The following KCNAB2 variants were observed in gnomAD, a reference collection of about 807,000 sequenced individuals.
The protein encoded by KCNAB2 is voltage-gated potassium channel subunit beta-2.
Under a neutral mutation model 63.6 loss-of-function variants are expected in KCNAB2, and 29 were observed. That is an observed-to-expected ratio of 0.46 (90% CI 0.34 to 0.62). The LOEUF is 0.62. KCNAB2 is among the 20% of genes least tolerant of loss of function. KCNAB2 has a pLI of 0.01. For missense variants in KCNAB2, 359 were observed against 563.9 expected (o/e 0.64, Z 3.68); for synonymous variants, 222 against 224.2 (o/e 0.99, Z 0.09).
chr1:6,097,365 TGA>T lies in KCNAB2; in HGVS notation c.1158+12_1158+13del, dbSNP rs759610293. ...AACATTGGGGCAATACAGGTAAGAG[TGA>T]GAGGCCCTGCTGGGCAGAGGGCCCA... is the stretch of plus-strand genomic sequence containing the variant. On this transcript the variant is annotated intron_variant, in intron 15 of 15. Coordinates refer to ENST00000378083, the MANE Select transcript of KCNAB2 (RefSeq NM_001199862.2). 3 of 1,550,694 alleles carry T rather than the reference TGA, an allele frequency of 1.9e-6. No individual in the cohort carries two copies. In the South Asian group the frequency reaches 3.6e-5, roughly 18 times the overall value.
intron 1 of KCNAB2, among the ~76,000 whole-genome samples, chr1:6,012,178 G>A (rs1658202067): frequency 6.7e-6 from 1 of 150,154 alleles, no homozygotes; most frequent in Non-Finnish European, 1.5e-5. Flanking sequence ...GTGGGTGGAG[G>A]TGGAGATGGA....
chr1:6,022,060 G>C (rs1319800438), intron 1 of KCNAB2, among the ~76,000 whole-genome samples: 1 of 152,018 alleles, frequency 6.6e-6, no homozygotes, highest in East Asian at 1.9e-4. Flanking sequence ...GTGGTATTGA[G>C]TGTGTCATTC....
Position 6,003,914 on chromosome 1 carries a change from T to A in KCNAB2, c.-53+11126T>A, listed in dbSNP as rs1657404731. Among the ~76,000 whole-genome samples, 1 of 152,246 alleles carries A rather than the reference T, an allele frequency of 6.6e-6. No homozygotes were observed. The highest frequency in any genetic ancestry group is 2.1e-4 in the South Asian group (1 of 4,836). On this transcript the variant is annotated intron_variant, in intron 1 of 16. Transcript: ENST00000341524. The surrounding 1 kb of genome is among the most constrained non-coding windows in gnomAD (Gnocchi z 4.1). ...TTTAATGGATGTGGTGGAGTAAAGC[T>A]GCCTTTCAAATTGCTGCCGCAGCGC... is the stretch of plus-strand genomic sequence containing the variant.
intron 2 of KCNAB2, among the ~76,000 whole-genome samples, chr1:6,061,137 G>A (rs1240995434): frequency 6.6e-6 from 1 of 152,234 alleles, no homozygotes; most frequent in Non-Finnish European, 1.5e-5. Flanking sequence ...TGTCTGTGGT[G>A]CACTCCAGGG....
In KCNAB2 at chr1:6,091,723, G is replaced by A. The variant is rs912912617; in HGVS notation, c.646+416G>A. Reference sequence around the variant, plus strand: ...ACCCCAAAACACGCGGCCCCCCACCGAGTCTTAGCTCCTCCATGGTTTATG... The same window carrying A: ...ACCCCAAAACACGCGGCCCCCCACCAAGTCTTAGCTCCTCCATGGTTTATG... On this transcript the variant is annotated intron_variant, in intron 10 of 15. Transcript: ENST00000378083. 1.4e-4 allele frequency among the ~76,000 whole-genome samples: 22 copies of A among 152,072 alleles called. 1 individual carries two copies. Among genetic ancestry groups the A allele is most frequent in the Admixed American group, 1.1e-3 (17 of 15,266 alleles).
intron 4 of KCNAB2, among the ~76,000 whole-genome samples, chr1:6,077,588 C>G (rs553499332): frequency 3.9e-5 from 6 of 152,340 alleles, no homozygotes; most frequent in African/African-American, 1.2e-4. Context: ...CCACAGGTTT[C>G]TGTGATTGGC....
intron 2 of KCNAB2, among the ~76,000 whole-genome samples, chr1:6,056,187 G>A (rs1331473073): frequency 6.6e-6 from 1 of 152,196 alleles, no homozygotes; most frequent in Non-Finnish European, 1.5e-5. Flanking sequence ...TGGGACTACA[G>A]GCGCGAGCCA....
chr1:6,014,516 A>C (rs927063170), intron 1 of KCNAB2, among the ~76,000 whole-genome samples: 15 of 152,242 alleles, frequency 9.9e-5, no homozygotes, highest in African/African-American at 3.6e-4. Flanking sequence ...AAAATAAATG[A>C]GGCAAAAGAG....
At position 6,096,324 on chromosome 1, in the gene KCNAB2, GC is replaced by G. The variant is rs1218698262; in HGVS notation, c.949-310del. 4.5e-6 allele frequency: 2 copies of G among 440,356 alleles called. No individual in the cohort carries two copies. Among genetic ancestry groups the G allele is most frequent in the Non-Finnish European group, 8.5e-6 (2 of 235,412 alleles). 27.3% of individuals were successfully genotyped at this position (440,356 alleles called of 1,614,324 possible). The stretch of plus-strand genomic sequence containing the variant: ...CGGGTGGCAGCCGAGACCCCAGGCT[GC>G]CAAGTTTCCTAAGAGAAGGAAGGCC... On this transcript the variant is annotated intron_variant, in intron 13 of 15. Coordinates refer to ENST00000378083, the MANE Select transcript of KCNAB2 (RefSeq NM_001199862.2). This position sits in a 1 kb window ranked among gnomAD's most constrained non-coding sequence, Gnocchi z 5.9.
chr1:6,095,569 T>C lies in KCNAB2; in HGVS notation c.893T>C (p.Ile298Thr), dbSNP rs368232941. The change falls in exon 13 of 16, where the codon ATT becomes ACT. Residue 298 changes from isoleucine to threonine, a missense_variant. This residue lies in a region of KCNAB2 where 271 missense variants were observed against 476.1 expected (regional missense o/e 0.57). Transcript: ENST00000378083. ...AMTWSPLACG[I>T]VSGKYDSGIP... ...ACCTGGTCCCCTCTGGCCTGTGGCATTGTTTCTGGCAAGTACGACAGTGGC... is the reference window on the plus strand; with the variant it reads ...ACCTGGTCCCCTCTGGCCTGTGGCACTGTTTCTGGCAAGTACGACAGTGGC... 65 of 1,612,688 alleles carry C rather than the reference T, an allele frequency of 4.0e-5. No individual in the cohort carries two copies. The highest frequency in any genetic ancestry group is 5.2e-5 in the Non-Finnish European group (61 of 1,179,706).
intron 1 of KCNAB2, among the ~76,000 whole-genome samples, chr1:6,021,891 A>G (rs1165363191): frequency 2.6e-5 from 4 of 151,826 alleles, no homozygotes; most frequent in Non-Finnish European, 4.4e-5. Flanking sequence ...TTGAGTGTAC[A>G]GTTCAGTGGT....
At chr1:6,072,626 C>G (rs993747840) in intron 2 of KCNAB2, 129 bp from the exon 3 acceptor site, 2 of 987,210 alleles carry the variant, frequency 2.0e-6, no homozygotes, top group Non-Finnish European at 3.1e-6. Context: ...GTCCCCGGTG[C>G]CTTTCGGAGC....
intron 1 of KCNAB2, among the ~76,000 whole-genome samples, chr1:6,039,362 A>C (rs989619281): frequency 6.6e-6 from 1 of 152,208 alleles, no homozygotes; most frequent in Non-Finnish European, 1.5e-5. Context: ...GCAGCCAGCC[A>C]GGTGGAGGAA....
chr1:6,089,249 G>A (rs1055624274), intron 8 of KCNAB2, among the ~76,000 whole-genome samples, 198 bp downstream of exon 8: 6 of 152,258 alleles, frequency 3.9e-5, no homozygotes, highest in Non-Finnish European at 7.3e-5. Flanking sequence ...AGGGCAGCCC[G>A]GTGGCTGAGC....
chr1:6,016,664 G>A (rs182144621), intron 1 of KCNAB2, among the ~76,000 whole-genome samples: 4 of 152,352 alleles, frequency 2.6e-5, no homozygotes, highest in African/African-American at 7.2e-5. Flanking sequence ...CACACGCGGT[G>A]TGACTCGGGC....
In KCNAB2 at chr1:6,096,577, G is replaced by A; in HGVS notation, c.949-59G>A. On this transcript the variant is annotated intron_variant, in intron 13 of 15. Coordinates refer to ENST00000378083, the MANE Select transcript of KCNAB2 (RefSeq NM_001199862.2). This position sits in a 1 kb window ranked among gnomAD's most constrained non-coding sequence, Gnocchi z 5.9. ...ATGAGCCCATCGGCCCCCTGCACGT[G>A]GGGGTCCAGGTGACCTGCTCTCATC... The A allele has an allele frequency of 1.3e-6, 2 of 1,561,182 alleles. No homozygotes were observed. Among genetic ancestry groups the A allele is most frequent in the Non-Finnish European group, 1.7e-6 (2 of 1,149,918 alleles).
chr1:6,005,484 G>A (rs1657609432), intron 1 of KCNAB2, among the ~76,000 whole-genome samples: 1 of 121,654 alleles, frequency 8.2e-6, no homozygotes, highest in Non-Finnish European at 1.8e-5. Flanking sequence ...CAGCCCAGCT[G>A]AGGGCCTTGG....
At chr1:6,000,034 G>A (rs139262572) in intron 1 of KCNAB2, among the ~76,000 whole-genome samples, 1 of 151,010 alleles carries the variant, frequency 6.6e-6, no homozygotes, top group Non-Finnish European at 1.5e-5. Flanking sequence ...CGCCGTCCGT[G>A]CCCCGTCTGC....
chr1:6,076,768 G>A (rs1049879240), intron 4 of KCNAB2, among the ~76,000 whole-genome samples: 2 of 152,224 alleles, frequency 1.3e-5, no homozygotes, highest in African/African-American at 2.4e-5. Context: ...TGGCCTGTAT[G>A]TCTCCTGAGC....
Sources: gnomAD v4.1 joint callset for allele counts (sites outside exome capture counted in the v4.1 genomes callset) on GRCh38, gnomAD v4.1.1 for gene constraint, gnomAD v4.1.1 regional missense constraint, Gnocchi (gnomAD v3.1) non-coding constraint, MANE v1.5 for transcripts, NCBI Gene and HGNC (gene_info 2026-07-23, HGNC 2026-07-21) for gene names.